The following MLLT1 variants were observed in gnomAD, a reference collection of about 807,000 sequenced individuals.
MLLT1 encodes protein ENL.
MLLT1 carries 11 observed loss-of-function variants against 55.1 expected under a neutral mutation model. The ratio of observed to expected loss-of-function variants is 0.20; its 90% CI spans 0.13 to 0.33. The LOEUF (loss-of-function observed/expected upper bound fraction) is 0.33, where lower values mean the gene tolerates loss of function less well. Ranked by LOEUF, MLLT1 falls within the 10% of genes least tolerant of loss-of-function variation. The probability of loss-of-function intolerance (pLI) is 1.00; values close to 1 mark genes in which losing one functional copy is unlikely to be tolerated. For missense variants in MLLT1, 536 were observed against 760.6 expected (o/e 0.70, Z 3.47); for synonymous variants, 323 against 320.1 (o/e 1.01, Z -0.10).
At position 6,227,250 on chromosome 19, in the gene MLLT1, G is replaced by T; in HGVS notation, c.421-148C>A. On this transcript the variant is annotated intron_variant, in intron 4 of 11. Coordinates refer to ENST00000252674, the MANE Select transcript of MLLT1 (RefSeq NM_005934.4). The surrounding 1 kb of genome is among the most constrained non-coding windows in gnomAD (Gnocchi z 5.1). ...CCGAAAGAATCCCAGGTGCTTCCCT[G>T]CTGGGGACTGGGTGCTGAGCACGCA... 1 of 784,600 alleles carries T rather than the reference G, an allele frequency of 1.3e-6. No homozygotes were observed. Among genetic ancestry groups the T allele is most frequent in the Non-Finnish European group, 1.9e-6 (1 of 519,232 alleles). 48.6% of individuals were successfully genotyped at this position (784,600 alleles called of 1,614,324 possible).
intron 3 of MLLT1, among the ~76,000 whole-genome samples, chr19:6,244,437 G>C (rs1413513086): frequency 1.3e-5 from 2 of 151,294 alleles, no homozygotes; most frequent in African/African-American, 4.9e-5. Context: ...ACTACCCTTT[G>C]ACAGTCTCCC....
chr19:6,257,261 T>C (rs555023258), intron 3 of MLLT1, among the ~76,000 whole-genome samples: 1 of 151,666 alleles, frequency 6.6e-6, no homozygotes, highest in East Asian at 1.9e-4. Context: ...TGATCCCAGC[T>C]AGTTGGGAGG....
At chr19:6,274,554 T>A (rs2144967158) in intron 1 of MLLT1, among the ~76,000 whole-genome samples, 1 of 152,234 alleles carries the variant, frequency 6.6e-6, no homozygotes, top group Admixed American at 6.5e-5. Context: ...CCCAACTTTA[T>A]CCCAGCAAGT....
intron 1 of MLLT1, among the ~76,000 whole-genome samples, chr19:6,276,666 C>A (rs759990372): frequency 2.0e-4 from 31 of 152,254 alleles, no homozygotes; most frequent in African/African-American, 6.5e-4. Flanking sequence ...GTCCCCTCCC[C>A]CCGGCCCCAG....
chr19:6,230,920 C>T lies in MLLT1; in HGVS notation c.277-207G>A, dbSNP rs2091002664. Among the ~76,000 whole-genome samples the T allele has an allele frequency of 6.6e-6, 1 of 152,210 alleles. No individual in the cohort carries two copies. The highest frequency in any genetic ancestry group is 2.4e-5 in the African/African-American group (1 of 41,444). On this transcript the variant is annotated intron_variant, in intron 3 of 11. Transcript: ENST00000252674. This position sits in a 1 kb window ranked among gnomAD's most constrained non-coding sequence, Gnocchi z 9.0. ...ACTATGTGCAGCTAACTGGGTCTTG[C>T]AGGCCCCATGGCAGAAAGAAAGCTC...
In MLLT1 at chr19:6,212,113, ATG is replaced by A. The variant is rs2090779099; in HGVS notation, c.*927_*928del. The stretch of plus-strand genomic sequence containing the variant: ...GAATGAAAGAGAGGAAGAGGAGCCT[ATG>A]GGAGGAGGCCGAGCCCCAGGGCGGC... On this transcript the variant is annotated 3_prime_UTR_variant, in exon 12 of 12. Transcript: ENST00000252674. 1 of 1,066,206 alleles carries A rather than the reference ATG, an allele frequency of 9.4e-7. No homozygotes were observed. The allele number at this position is 1,066,206 out of a possible 1,614,324, so 66.0% of individuals were successfully genotyped here. A position where few individuals can be genotyped will look rare whatever the true frequency, so the allele number is the denominator to read the frequency against.
chr19:6,264,892 T>TAAAA (rs34494210), intron 2 of MLLT1, among the ~76,000 whole-genome samples: 4 of 73,620 alleles, frequency 5.4e-5, no homozygotes, highest in African/African-American at 1.6e-4. Context: ...GAAACTCTGT[T>TAAAA]AAAAAAAAAA....
At chr19:6,221,316 A>G (rs1375975327) in intron 6 of MLLT1, among the ~76,000 whole-genome samples, 1 of 152,176 alleles carries the variant, frequency 6.6e-6, no homozygotes, top group African/African-American at 2.4e-5. Context: ...GTGCCAGATA[A>G]TAGCGCTGGA....
At position 6,273,176 on chromosome 19, in the gene MLLT1, C is replaced by T. The variant is rs562622035; in HGVS notation, c.13-2417G>A. On this transcript the variant is annotated intron_variant, in intron 1 of 11. Transcript: ENST00000252674. This position sits in a 1 kb window ranked among gnomAD's most constrained non-coding sequence, Gnocchi z 4.3. ...AAACGGTCTCGGAGTCAAAAGCCCC[C>T]GGCCCTCTGTGTAAGGCCTGGGGTG... Among the ~76,000 whole-genome samples, 2 of 152,104 alleles carry T rather than the reference C, an allele frequency of 1.3e-5. No homozygotes were observed. The highest frequency in any genetic ancestry group is 2.1e-4 in the South Asian group (1 of 4,794).
chr19:6,212,340 C>T lies in MLLT1; in HGVS notation c.*702G>A, dbSNP rs977313802. On this transcript the variant is annotated 3_prime_UTR_variant, in exon 12 of 12. Transcript: ENST00000252674. ...CATGCGCCTGGAGAGGGCCAGCTGC[C>T]GTGCCTGGCTCGGCCTCCAGCCCCA... 10 of 1,047,872 alleles carry T rather than the reference C, an allele frequency of 9.5e-6. No homozygotes were observed. The East Asian group carries it at 1.5e-4, about 16-fold the overall frequency. 64.9% of individuals were successfully genotyped at this position (1,047,872 alleles called of 1,614,324 possible).
intron 8 of MLLT1, 135 bp from the exon 9 acceptor site, chr19:6,214,173 C>T (rs1337223002): frequency 9.0e-6 from 4 of 445,044 alleles, no homozygotes; most frequent in Admixed American, 8.4e-5. Context: ...TTCACCTCTG[C>T]GCAGGAACCT....
intron 3 of MLLT1, among the ~76,000 whole-genome samples, chr19:6,243,365 G>A (rs1316400470): frequency 1.3e-5 from 2 of 152,134 alleles, no homozygotes; most frequent in Non-Finnish European, 2.9e-5. Context: ...CCTCCTAACT[G>A]ACTCCAGGGC....
intron 5 of MLLT1, among the ~76,000 whole-genome samples, chr19:6,225,108 C>T (rs1012157300): frequency 6.6e-6 from 1 of 152,224 alleles, no homozygotes; most frequent in African/African-American, 2.4e-5. Flanking sequence ...ACATGGGTGA[C>T]ACCTGGCTCC....
At position 6,235,553 on chromosome 19, in the gene MLLT1, G is replaced by A. The variant is rs1017904879; in HGVS notation, c.277-4840C>T. Among the ~76,000 whole-genome samples the A allele has an allele frequency of 6.6e-6, 1 of 152,154 alleles. No individual in the cohort carries two copies. The highest frequency in any genetic ancestry group is 1.5e-5 in the Non-Finnish European group (1 of 67,992). On this transcript the variant is annotated intron_variant, in intron 3 of 11. Transcript: ENST00000252674. The surrounding 1 kb of genome is among the most constrained non-coding windows in gnomAD (Gnocchi z 5.5). ...CGCTCCCTAGCTCTGCCCACTGCCT[G>A]GCACAGGGCACCCTGGGGCTCGGAA...
At chr19:6,272,283 G>A (rs1173443516) in intron 1 of MLLT1, among the ~76,000 whole-genome samples, 2 of 152,220 alleles carry the variant, frequency 1.3e-5, no homozygotes, top group Non-Finnish European at 2.9e-5. Flanking sequence ...CTGCTCCTGA[G>A]TTGGTGGCGC....
chr19:6,245,698 G>C (rs903225027), intron 3 of MLLT1, among the ~76,000 whole-genome samples: 1 of 151,490 alleles, frequency 6.6e-6, no homozygotes, highest in Non-Finnish European at 1.5e-5. Flanking sequence ...GCGACAGAGC[G>C]AGACTCCGTC....
chr19:6,272,444 G>A (rs980764894), intron 1 of MLLT1, among the ~76,000 whole-genome samples: 1 of 152,140 alleles, frequency 6.6e-6, no homozygotes, highest in Non-Finnish European at 1.5e-5. Context: ...CCCTAAGCTC[G>A]TTTCAAAACC....
At chr19:6,244,139 C>T (rs1338929322) in intron 3 of MLLT1, among the ~76,000 whole-genome samples, 2 of 151,920 alleles carry the variant, frequency 1.3e-5, no homozygotes, top group African/African-American at 4.8e-5. Flanking sequence ...CTCATAGCAC[C>T]CAGCCCCTGG....
At position 6,273,485 on chromosome 19, in the gene MLLT1, G is replaced by A. The variant is rs569047650; in HGVS notation, c.13-2726C>T. Among the ~76,000 whole-genome samples the A allele has an allele frequency of 6.6e-5, 10 of 152,236 alleles. No individual in the cohort carries two copies. Among genetic ancestry groups the A allele is most frequent in the African/African-American group, 1.9e-4 (8 of 41,518 alleles). On this transcript the variant is annotated intron_variant, in intron 1 of 11. Transcript: ENST00000252674. The surrounding 1 kb of genome is among the most constrained non-coding windows in gnomAD (Gnocchi z 4.3). ...GTAAAAGTACCCCCACCAAACACAC[G>A]AGGTGAGGGCTGAGCACCGGCATGG...
Sources: allele counts gnomAD v4.1 joint callset (sites outside exome capture counted in the v4.1 genomes callset), GRCh38; gene constraint gnomAD v4.1.1; non-coding constraint Gnocchi (gnomAD v3.1); transcripts MANE v1.5; gene names NCBI Gene and HGNC (gene_info 2026-07-23, HGNC 2026-07-21).